The following VBP1 variants were observed in gnomAD, a reference collection of about 807,000 sequenced individuals.
VBP1 encodes the protein VHL binding protein 1.
A neutral mutation model predicts 15.5 loss-of-function variants in VBP1; 4 were observed. The ratio of observed to expected loss-of-function variants is 0.26; its 90% CI spans 0.13 to 0.59. VBP1 has a LOEUF of 0.59. Ranked by LOEUF, VBP1 falls within the 20% of genes least tolerant of loss-of-function variation. VBP1 has a pLI of 0.90. For missense variants in VBP1, 108 were observed against 139.6 expected, an observed-to-expected ratio of 0.77 and a Z score of 1.14; for synonymous variants, 61 against 52.1, an observed-to-expected ratio of 1.17 and a Z score of -0.74.
chrX:155,202,913 A>G (rs1369721857), intron 1 of VBP1, among the ~76,000 whole-genome samples: 3 of 112,026 alleles, frequency 2.7e-5, no homozygotes, highest in African/African-American at 9.7e-5. Context: ...AATTTACAAT[A>G]AAAAATCAAA....
At chrX:155,226,119 A>G (rs1392267824) in intron 2 of VBP1, among the ~76,000 whole-genome samples, 1 of 112,135 alleles carries the variant, frequency 8.9e-6, no homozygotes, top group African/African-American at 3.2e-5. Context: ...CTTCGTTTTT[A>G]TATCCTTAGT....
chrX:155,220,502 G>A (rs2074684209), intron 2 of VBP1, among the ~76,000 whole-genome samples, 195 bp downstream of exon 2: 1 of 111,904 alleles, frequency 8.9e-6, no homozygotes, highest in Non-Finnish European at 1.9e-5. Flanking sequence ...ACTTGGTATT[G>A]CCAGTCTAAA....
intron 1 of VBP1, among the ~76,000 whole-genome samples, chrX:155,200,571 G>C (rs2074598877): frequency 9.1e-6 from 1 of 109,367 alleles, no homozygotes; most frequent in African/African-American, 3.3e-5. Context: ...CGAGAACAAA[G>C]ACACAACATA....
At position 155,227,238 on chromosome X, in the gene VBP1, A is replaced by G. The variant is rs782660810; in HGVS notation, c.222A>G (p.Leu74=). ...TTACTCTTTTTCTTGTTCACAGGCTAAAAGGTCAGATTCCTGAAATTAAAC... is the reference window on the plus strand; with the variant it reads ...TTACTCTTTTTCTTGTTCACAGGCTGAAAGGTCAGATTCCTGAAATTAAAC... ...ELNLAQKKRR[L]KGQIPEIKQT... is the part of the protein sequence containing the mutation. The change falls in exon 3 of 6, where the codon CTA becomes CTG. Residue 74 remains leucine, a synonymous_variant. Coordinates refer to ENST00000286428, the MANE Select transcript of VBP1 (RefSeq NM_003372.7). The G allele has an allele frequency of 8.4e-7, 1 of 1,183,471 alleles. No homozygotes were observed. The highest frequency in any genetic ancestry group is 1.1e-6 in the Non-Finnish European group (1 of 883,935).
chrX:155,203,683 A>G (rs1205968880), intron 1 of VBP1, among the ~76,000 whole-genome samples: 3 of 108,614 alleles, frequency 2.8e-5, no homozygotes, highest in Non-Finnish European at 5.7e-5. Context: ...TGGGTGCAGC[A>G]CACCAGCGTG....
At chrX:155,219,818 G>A (rs1290984325) in intron 1 of VBP1, among the ~76,000 whole-genome samples, 2 of 110,810 alleles carry the variant, frequency 1.8e-5, no homozygotes, top group African/African-American at 6.6e-5. Flanking sequence ...TACAGGTTGA[G>A]CATCCTAAAT....
chrX:155,230,404 C>G (rs1047139217), intron 4 of VBP1, among the ~76,000 whole-genome samples: 2 of 111,663 alleles, frequency 1.8e-5, no homozygotes, highest in Non-Finnish European at 3.8e-5. Context: ...CGTAAGGTCA[C>G]ATTCGCTAGT....
chrX:155,223,180 A>T (rs1602884637), intron 2 of VBP1, among the ~76,000 whole-genome samples: 1 of 59,470 alleles, frequency 1.7e-5, no homozygotes, highest in Admixed American at 2.4e-4. Flanking sequence ...TTCATAAGTG[A>T]GTTCAGCCTA....
rs1029244413 is a variant in VBP1, at chrX:155,208,768, T to C, written c.-30-106T>C. On this transcript the variant is annotated intron_variant, in intron 1 of 6. Coordinates refer to the VBP1 transcript ENST00000535916. Reference sequence around the variant, plus strand: ...AATTGATGCTTATTAAATATTAATATAATATTTACTCTAGGGGGCTACTTG... The same window carrying C: ...AATTGATGCTTATTAAATATTAATACAATATTTACTCTAGGGGGCTACTTG... 26 of 430,950 alleles carry C rather than the reference T, an allele frequency of 6.0e-5. No homozygotes were observed. In the African/African-American group the frequency reaches 6.4e-4, roughly 11 times the overall value. 35.5% of individuals were successfully genotyped at this position (430,950 alleles called of 1,213,427 possible). A position where few individuals can be genotyped will look rare whatever the true frequency, so the allele number is the denominator to read the frequency against.
At position 155,198,664 on chromosome X, in the gene VBP1, CAG is replaced by C. The variant is rs1391047229; in HGVS notation, c.-31+1528_-31+1529del. Among the ~76,000 whole-genome samples the C allele has an allele frequency of 4.5e-5, 5 of 111,104 alleles. No homozygotes were observed. In the East Asian group the frequency reaches 1.4e-3, roughly 31 times the overall value. On this transcript the variant is annotated intron_variant, in intron 1 of 6. Transcript: ENST00000535916. Reference sequence around the variant, plus strand: ...TAAAACCACAAAGATGGGGAAAAAACAGAGCAGAAAAACTGGAAACTCTAAAA... The same window carrying C: ...TAAAACCACAAAGATGGGGAAAAAACAGCAGAAAAACTGGAAACTCTAAAA...
chrX:155,232,650 C>T (rs781969850), intron 4 of VBP1, among the ~76,000 whole-genome samples: 3 of 111,644 alleles, frequency 2.7e-5, no homozygotes, highest in Non-Finnish European at 3.8e-5. Flanking sequence ...GTGTACCCAC[C>T]GGAATGGTAG....
At chrX:155,198,578 G>C (rs1230504918) in intron 1 of VBP1, among the ~76,000 whole-genome samples, 2 of 111,061 alleles carry the variant, frequency 1.8e-5, no homozygotes, top group Admixed American at 1.9e-4. Flanking sequence ...CTAACAAACA[G>C]AAAGGACATC....
intron 2 of VBP1, among the ~76,000 whole-genome samples, chrX:155,226,012 T>C (rs1557310223): frequency 1.8e-5 from 2 of 112,311 alleles, no homozygotes; most frequent in African/African-American, 6.5e-5. Context: ...ACTTCTTTTA[T>C]GTGACGCAAT....
intron 1 of VBP1, among the ~76,000 whole-genome samples, chrX:155,198,734 C>T (rs893949866): frequency 4.5e-5 from 5 of 111,966 alleles, no homozygotes; most frequent in Non-Finnish European, 7.6e-5. Flanking sequence ...AGTTCCTCAC[C>T]AGCAACGGAA....
chrX:155,220,074 T>C, intron 1 of VBP1, 109 bp from the exon 2 acceptor site: 1 of 772,782 alleles, frequency 1.3e-6, no homozygotes, highest in Non-Finnish European at 1.8e-6. Flanking sequence ...AACAAACCTT[T>C]GGAGAAAAAC....
chrX:155,207,135 C>T (rs149526003), intron 1 of VBP1, among the ~76,000 whole-genome samples: 1 of 111,355 alleles, frequency 9.0e-6, no homozygotes, highest in African/African-American at 3.3e-5. Context: ...GTATGGGTTG[C>T]AGAAAAAACT....
At chrX:155,211,507 G>C (rs782035295), upstream of VBP1, among the ~76,000 whole-genome samples, 1 of 112,347 alleles carries the variant, frequency 8.9e-6, no homozygotes, top group East Asian at 2.8e-4. Flanking sequence ...GGCTGATAGA[G>C]GCACTCGTCT....
intron 4 of VBP1, among the ~76,000 whole-genome samples, chrX:155,233,318 G>A (rs2074755877): frequency 1.8e-5 from 2 of 111,678 alleles, no homozygotes; most frequent in South Asian, 3.8e-4. Flanking sequence ...GCTGCCTGTC[G>A]TCCAGGAGTC....
chrX:155,202,450 G>A (rs1473854213), intron 1 of VBP1, among the ~76,000 whole-genome samples: 35 of 111,049 alleles, frequency 3.2e-4, no homozygotes, highest in African/African-American at 9.2e-4. Flanking sequence ...CAGAAATAAC[G>A]CCGCATATCT....
Sources: gnomAD v4.1 joint callset for allele counts (sites outside exome capture counted in the v4.1 genomes callset) on GRCh38, gnomAD v4.1.1 for gene constraint, MANE v1.5 for transcripts, NCBI Gene and HGNC (gene_info 2026-07-23, HGNC 2026-07-21) for gene names.